USP38: variants seen among roughly 807,000 people sequenced by gnomAD.
USP38 encodes ubiquitin carboxyl-terminal hydrolase 38.
Under a neutral mutation model 94.3 loss-of-function variants are expected in USP38, and 49 were observed. That is an observed-to-expected ratio of 0.52 (90% CI 0.41 to 0.66). The LOEUF is 0.66. Ranked by LOEUF, USP38 falls within the 30% of genes least tolerant of loss-of-function variation. The pLI is 0.00. For synonymous variants in USP38, 468 were observed against 463.6 expected (o/e 1.01, Z -0.12); for missense variants, 1,128 against 1,229.4 (o/e 0.92, Z 1.23).
intron 1 of USP38, among the ~76,000 whole-genome samples, chr4:143,186,605 A>G (rs989727018): frequency 1.3e-5 from 2 of 152,206 alleles, no homozygotes; most frequent in African/African-American, 4.8e-5. Context: ...GGATTATCCC[A>G]GATAACTATG....
chr4:143,213,778 T>C lies in USP38; in HGVS notation c.1802T>C (p.Leu601Ser), dbSNP rs756496241. The change falls in exon 9 of 10, where the codon TTG (leucine) becomes TCG (serine). Residue 601 changes from leucine (L) to serine (S), a missense_variant. Leu to Ser is a moderately radical substitution (Grantham distance 145). Transcript: ENST00000307017. ...AAACTACGAACTCACATACGTTGTT[T>C]GAACTGCAGGAGTACCTCACAAAAA... The part of the protein sequence containing the change: ...GGKLRTHIRC[L>S]NCRSTSQKVE... The C allele has an allele frequency of 1.9e-6, 3 of 1,613,830 alleles. No individual in the cohort carries two copies. Among genetic ancestry groups the C allele is most frequent in the Admixed American group, 1.7e-5 (1 of 59,962 alleles).
At position 143,221,536 on chromosome 4, in the gene USP38, T is replaced by G. The variant is rs892061605; in HGVS notation, c.*1080T>G. 1 of 152,546 alleles carries G rather than the reference T, an allele frequency of 6.6e-6. No individual in the cohort carries two copies. The highest frequency in any genetic ancestry group is 1.9e-4 in the East Asian group (1 of 5,192). The allele number at this position is 152,546 out of a possible 1,614,324, so 9.4% of individuals were successfully genotyped here. On this transcript the variant is annotated 3_prime_UTR_variant, in exon 10 of 10. Coordinates refer to ENST00000307017, the MANE Select transcript of USP38 (RefSeq NM_032557.6). ...TTTTTGTTTGTTTGTTTCAGTCATATGTTTGGCACTGTTGTTTCTATTTTC... is the reference window on the plus strand; with the variant it reads ...TTTTTGTTTGTTTGTTTCAGTCATAGGTTTGGCACTGTTGTTTCTATTTTC...
rs7670426 is a variant in USP38 at position 143,209,597 on chromosome 4, T to C, written c.1437T>C (p.Asn479=). ...GACAAGTATTATCTTTAAATCTAAA[T>C]GGGTGCAATTCATTAATGAAAAAAT... ...FRRQVLSLNL[N]GCNSLMKKLQ... Residue 479 remains asparagine (N), a synonymous_variant, in exon 7 of 10, where the codon AAT becomes AAC. Transcript: ENST00000307017. The C allele has an allele frequency of 0.081, 129,269 of 1,605,320 alleles. 5,773 individuals are homozygous for C. The highest frequency in any genetic ancestry group is 0.16 in the African/African-American group (11,963 of 74,630).
intron 9 of USP38, among the ~76,000 whole-genome samples, chr4:143,218,814 G>A (rs530970353): frequency 5.9e-5 from 9 of 152,104 alleles, no homozygotes; most frequent in Admixed American, 3.3e-4. Context: ...ATCTGAAACC[G>A]TGCATTGTTT....
In USP38 at chr4:143,214,002, A is replaced by G. The variant is rs182592091; in HGVS notation, c.2026A>G (p.Lys676Glu). Residue 676 changes from lysine (K) to glutamate (E), a missense_variant, in exon 9 of 10, where the codon AAA becomes GAA. Physicochemically the swap from Lys to Glu is moderately conservative, Grantham distance 56 (BLOSUM62 1). Coordinates refer to ENST00000307017, the MANE Select transcript of USP38 (RefSeq NM_032557.6). ...AFICDSLVNE[K>E]TIGSPPNEFY... is the part of the protein sequence containing the mutation. The stretch of plus-strand genomic sequence containing the variant: ...CATCTGTGACTCACTTGTGAATGAA[A>G]AAACCATAGGCAGTCCTCCTAATGA... 147 of 1,613,626 alleles carry G rather than the reference A, an allele frequency of 9.1e-5. No homozygotes were observed. Among genetic ancestry groups the G allele is most frequent in the Non-Finnish European group, 1.2e-4 (137 of 1,179,826 alleles).
intron 3 of USP38, 110 bp downstream of exon 3, chr4:143,195,955 T>G (rs1581158348): frequency 6.5e-6 from 6 of 925,566 alleles, no homozygotes; most frequent in Non-Finnish European, 7.3e-6. Flanking sequence ...TTATTGTTGT[T>G]TTGTTTTGAA....
In USP38 at chr4:143,203,454, G is replaced by A; in HGVS notation, c.1097G>A (p.Gly366Asp). The change falls in exon 5 of 10, where the codon GGT (glycine) becomes GAT (aspartate). Residue 366 changes from glycine (G) to aspartate (D), a missense_variant. Transcript: ENST00000307017. ...VNLVHSFKND[G>D]LPSSTAFLVQ... ...TTGGTTCATTCTTTCAAAAATGATG[G>A]TCTGCCTTCAAGTACAGCCTTCTTA... 2 of 1,612,772 alleles carry A rather than the reference G, an allele frequency of 1.2e-6. No homozygotes were observed. Among genetic ancestry groups the A allele is most frequent in the Non-Finnish European group, 1.7e-6 (2 of 1,179,352 alleles).
rs188717565 is a variant in USP38 at position 143,218,244 on chromosome 4, G to A, written c.2968-2051G>A. Among the ~76,000 whole-genome samples, 776 of 152,144 alleles carry A rather than the reference G, an allele frequency of 5.1e-3. 4 individuals carry two copies. Among genetic ancestry groups the A allele is most frequent in the Non-Finnish European group, 6.7e-3 (453 of 67,968 alleles). On this transcript the variant is annotated intron_variant, in intron 9 of 9. Coordinates refer to ENST00000307017, the MANE Select transcript of USP38 (RefSeq NM_032557.6). ...AAAAATAAAAGGATTAATGTCAACA[G>A]TTTTACTTGAATGAGAAATATAAAT...
At chr4:143,219,378 A>C (rs1377586149) in intron 9 of USP38, among the ~76,000 whole-genome samples, 1 of 152,096 alleles carries the variant, frequency 6.6e-6, no homozygotes, top group Non-Finnish European at 1.5e-5. Flanking sequence ...TAATAAACTA[A>C]ACCATTTTAG....
chr4:143,189,741 T>C (rs1347500202), intron 2 of USP38, among the ~76,000 whole-genome samples: 3 of 152,050 alleles, frequency 2.0e-5, no homozygotes, highest in African/African-American at 7.2e-5. Context: ...GAGAAAACTC[T>C]TATGTAAATG....
rs1413319197 is a variant in USP38, at chr4:143,221,178, G to T, written c.*722G>T. ...GGATTTTAAAATTCTATTTCAGGGA[G>T]TATATCTTCTGTGGTTTTGAAGGAG... On this transcript the variant is annotated 3_prime_UTR_variant, in exon 10 of 10. Coordinates refer to ENST00000307017, the MANE Select transcript of USP38 (RefSeq NM_032557.6). 1 of 152,546 alleles carries T rather than the reference G, an allele frequency of 6.6e-6. No homozygotes were observed. 9.4% of individuals were successfully genotyped at this position (152,546 alleles called of 1,614,324 possible).
At position 143,223,303 on chromosome 4, in the gene USP38, C is replaced by G. The variant is rs564862066; in HGVS notation, c.*2847C>G. On this transcript the variant is annotated 3_prime_UTR_variant, in exon 10 of 10. Coordinates refer to ENST00000307017, the MANE Select transcript of USP38 (RefSeq NM_032557.6). ...GCAGTATATCCCTGGAGATCCCTGACTTTTATCTCCATACCTTAAATTGTT... is the reference window on the plus strand; with the variant it reads ...GCAGTATATCCCTGGAGATCCCTGAGTTTTATCTCCATACCTTAAATTGTT... 1 of 152,206 alleles carries G rather than the reference C, an allele frequency of 6.6e-6. No individual in the cohort carries two copies. The highest frequency in any genetic ancestry group is 6.5e-5 in the Admixed American group (1 of 15,276). 9.4% of individuals were successfully genotyped at this position (152,206 alleles called of 1,614,324 possible). A position where few individuals can be genotyped will look rare whatever the true frequency, so the allele number is the denominator to read the frequency against.
At chr4:143,217,103 T>G (rs1485104408) in intron 9 of USP38, among the ~76,000 whole-genome samples, 1 of 152,198 alleles carries the variant, frequency 6.6e-6, no homozygotes. Context: ...TGAGCCACTG[T>G]GCCCAGCCTG....
In USP38 at chr4:143,222,737, A is replaced by G. The variant is rs1243333188; in HGVS notation, c.*2281A>G. The G allele has an allele frequency of 2.0e-5, 3 of 152,110 alleles. No homozygotes were observed. The highest frequency in any genetic ancestry group is 4.4e-5 in the Non-Finnish European group (3 of 67,974). The allele number at this position is 152,110 out of a possible 1,614,324, so 9.4% of individuals were successfully genotyped here. A position where few individuals can be genotyped will look rare whatever the true frequency, so the allele number is the denominator to read the frequency against. On this transcript the variant is annotated 3_prime_UTR_variant, in exon 10 of 10. Transcript: ENST00000307017. The stretch of plus-strand genomic sequence containing the variant: ...CAACATATTTGGAACCAGAATAATC[A>G]GAAACTTCATTCAAAACCTATGCAT...
At chr4:143,204,597 C>T in intron 5 of USP38, 1 of 324,644 alleles carries the variant, frequency 3.1e-6, no homozygotes, top group South Asian at 2.3e-5. Flanking sequence ...CTATGTTGCT[C>T]AGGCTGGTCT....
intron 6 of USP38, 63 bp downstream of exon 6, chr4:143,206,289 A>T: frequency 1.5e-6 from 2 of 1,329,754 alleles, no homozygotes; most frequent in Non-Finnish European, 2.0e-6. Context: ...GATGAAATAT[A>T]AGATGATAGA....
intron 5 of USP38, among the ~76,000 whole-genome samples, chr4:143,205,043 T>C (rs1731822532): frequency 6.6e-6 from 1 of 152,182 alleles, no homozygotes. Flanking sequence ...TTCAGGAGCA[T>C]TGTGAAGTGG....
intron 4 of USP38, among the ~76,000 whole-genome samples, chr4:143,202,543 GA>G (rs959752522): frequency 4.1e-4 from 62 of 151,798 alleles, no homozygotes; most frequent in Middle Eastern, 6.8e-3. Flanking sequence ...AAAATTAATT[GA>G]AAAAAATATA....
In USP38 at chr4:143,220,446, T is replaced by C. The variant is rs931137824; in HGVS notation, c.3119T>C (p.Leu1040Pro). ...GGGGFNTVGR[L>P]VF Reference sequence around the variant, plus strand: ...GGAGGATTTAATACAGTTGGCAGACTCGTATTTTGATCCTGAGAGAGTCCA... The same window carrying C: ...GGAGGATTTAATACAGTTGGCAGACCCGTATTTTGATCCTGAGAGAGTCCA... Residue 1040 changes from leucine (L) to proline (P), a missense_variant, in exon 10 of 10, where the codon CTC (leucine) becomes CCC (proline). Leu to Pro is a moderately conservative substitution (Grantham distance 98). Transcript: ENST00000307017. 6.2e-7 allele frequency: 1 copy of C among 1,611,640 alleles called. No individual in the cohort carries two copies. The highest frequency in any genetic ancestry group is 1.3e-5 in the African/African-American group (1 of 74,860).
Sources: allele counts gnomAD v4.1 joint callset (sites outside exome capture counted in the v4.1 genomes callset), GRCh38; gene constraint gnomAD v4.1.1; transcripts MANE v1.5; gene names NCBI Gene and HGNC (gene_info 2026-07-23, HGNC 2026-07-21).